Variants in ATP2B4 observed in about 807,000 individuals in gnomAD.
ATP2B4 encodes plasma membrane calcium-transporting ATPase 4.
ATP2B4 carries 39 observed loss-of-function variants against 110.3 expected under a neutral mutation model. That is an observed-to-expected ratio of 0.35 (90% CI 0.27 to 0.46). The LOEUF (loss-of-function observed/expected upper bound fraction) is 0.46. ATP2B4 is among the 20% of genes least tolerant of loss of function. The probability of loss-of-function intolerance (pLI) is 1.00; values close to 1 mark genes in which losing one functional copy is unlikely to be tolerated. For missense variants in ATP2B4, 1,135 were observed against 1,530.9 expected (o/e 0.74, Z 4.32); for synonymous variants, 538 against 571.7 (o/e 0.94, Z 0.84).
intron 1 of ATP2B4, among the ~76,000 whole-genome samples, chr1:203,628,709 G>A (rs369412557): frequency 1.3e-4 from 20 of 152,128 alleles, no homozygotes; most frequent in African/African-American, 4.3e-4. Flanking sequence ...CCTCCACTCT[G>A]AGCCCTCTAC....
intron 1 of ATP2B4, among the ~76,000 whole-genome samples, chr1:203,634,661 C>CTTTG (rs1035378240): frequency 6.6e-6 from 1 of 152,010 alleles, no homozygotes; most frequent in Non-Finnish European, 1.5e-5. Flanking sequence ...AAATGCATCT[C>CTTTG]TTTGTTTGTT....
chr1:203,682,424 AG>A (rs1346852668), intron 1 of ATP2B4, among the ~76,000 whole-genome samples: 3 of 152,210 alleles, frequency 2.0e-5, no homozygotes, highest in Admixed American at 6.5e-5. Flanking sequence ...GAGCCATCAG[AG>A]GTCGTAACCA....
intron 1 of ATP2B4, among the ~76,000 whole-genome samples, chr1:203,667,719 G>C (rs532924818): frequency 2.0e-5 from 3 of 152,210 alleles, no homozygotes; most frequent in Non-Finnish European, 4.4e-5. Context: ...GACTTCCCCC[G>C]CATGAAGGCG....
At chr1:203,733,252 AGC>A in intron 20 of ATP2B4, 1 of 1,613,356 alleles carries the variant, frequency 6.2e-7, no homozygotes, top group Non-Finnish European at 8.5e-7. Flanking sequence ...TCCAGACGGG[AGC>A]CTCTTTTAAG....
In ATP2B4 at chr1:203,629,591, G is replaced by A. The variant is rs1663199422; in HGVS notation, c.-465+2372G>A. On this transcript the variant is annotated intron_variant, in intron 1 of 20. Transcript: ENST00000357681. The surrounding 1 kb of genome is among the most constrained non-coding windows in gnomAD (Gnocchi z 4.6). ...CGGGGCTCGGGGCAGGATTGACTGCGCAACCCTGCGGCCCCTGTGCTCTCC... is the reference window on the plus strand; with the variant it reads ...CGGGGCTCGGGGCAGGATTGACTGCACAACCCTGCGGCCCCTGTGCTCTCC... Among the ~76,000 whole-genome samples the A allele has an allele frequency of 6.6e-6, 1 of 152,094 alleles. No homozygotes were observed. The highest frequency in any genetic ancestry group is 2.4e-5 in the African/African-American group (1 of 41,428).
intron 1 of ATP2B4, among the ~76,000 whole-genome samples, chr1:203,675,536 G>A (rs1664802844): frequency 6.6e-6 from 1 of 152,184 alleles, no homozygotes; most frequent in Non-Finnish European, 1.5e-5. Flanking sequence ...CATAGATGTA[G>A]TTTGACCAAA....
chr1:203,687,501 G>T (rs1665232885), intron 2 of ATP2B4, among the ~76,000 whole-genome samples: 1 of 152,168 alleles, frequency 6.6e-6, no homozygotes, highest in East Asian at 1.9e-4. Flanking sequence ...GGTCCCAGTG[G>T]ACCAATAATA....
chr1:203,648,080 C>T (rs931282065), intron 1 of ATP2B4, among the ~76,000 whole-genome samples: 1 of 152,056 alleles, frequency 6.6e-6, no homozygotes, highest in Non-Finnish European at 1.5e-5. Flanking sequence ...GTGGAACACC[C>T]TAAATAAAGC....
chr1:203,735,002 C>CAAAAAAAAAAAAA (rs35552196), intron 20 of ATP2B4, among the ~76,000 whole-genome samples: 23 of 57,122 alleles, frequency 4.0e-4, no homozygotes, highest in Non-Finnish European at 5.9e-4. Context: ...GACTCCATCT[C>CAAAAAAAAAAAAA]AAAAAAAAAA....
At position 203,742,181 on chromosome 1, in the gene ATP2B4, C is replaced by T. The variant is rs1047812685; in HGVS notation, c.*2327C>T. 10 of 152,536 alleles carry T rather than the reference C, an allele frequency of 6.6e-5. No individual in the cohort carries two copies. Among genetic ancestry groups the T allele is most frequent in the East Asian group, 1.9e-4 (1 of 5,200 alleles). The allele number at this position is 152,536 out of a possible 1,614,324, so 9.4% of individuals were successfully genotyped here. On this transcript the variant is annotated 3_prime_UTR_variant, in exon 21 of 21. Transcript: ENST00000357681. ...GTTTAAAGGATTTAAAATAAAGTGC[C>T]GTCATGTAGCCCTGTGGAAGGGAGC...
intron 1 of ATP2B4, among the ~76,000 whole-genome samples, chr1:203,639,464 G>A (rs1483225508): frequency 6.6e-6 from 1 of 152,166 alleles, no homozygotes; most frequent in Non-Finnish European, 1.5e-5. Context: ...AGCCCCGCTT[G>A]TTGGTAGTGC....
At chr1:203,699,213 T>G (rs1665620762) in intron 3 of ATP2B4, among the ~76,000 whole-genome samples, 1 of 152,204 alleles carries the variant, frequency 6.6e-6, no homozygotes, top group South Asian at 2.1e-4. Context: ...ACATGTGACT[T>G]CCCTAAATTT....
At chr1:203,728,859 CAA>C (rs35173142) in intron 20 of ATP2B4, among the ~76,000 whole-genome samples, 45 of 141,326 alleles carry the variant, frequency 3.2e-4, no homozygotes, top group African/African-American at 9.8e-4. Context: ...CTCTGTCTCA[CAA>C]AAAAAAAAAG....
intron 17 of ATP2B4, 129 bp from the exon 18 acceptor site, chr1:203,722,349 T>TG (rs1666362180): frequency 4.0e-6 from 3 of 741,138 alleles, no homozygotes; most frequent in African/African-American, 3.5e-5. Flanking sequence ...AATAAATAAC[T>TG]AGTGCAGCTC....
intron 1 of ATP2B4, among the ~76,000 whole-genome samples, chr1:203,642,293 A>G (rs1017337109): frequency 4.6e-5 from 7 of 152,158 alleles, no homozygotes; most frequent in Non-Finnish European, 7.3e-5. Flanking sequence ...TATGTTGCTC[A>G]GGCTGGTCTC....
intron 20 of ATP2B4, chr1:203,733,306 A>G (rs1287073907): frequency 1.2e-6 from 2 of 1,614,104 alleles, no homozygotes; most frequent in East Asian, 2.2e-5. Flanking sequence ...ACCTTGATGT[A>G]AAACTTGTTC....
Position 203,739,667 on chromosome 1 carries a change from G to A in ATP2B4, c.3431G>A (p.Arg1144Gln), listed in dbSNP as rs567340474. 11 of 1,613,970 alleles carry A rather than the reference G, an allele frequency of 6.8e-6. No individual in the cohort carries two copies. The highest frequency in any genetic ancestry group is 1.1e-5 in the South Asian group (1 of 91,082). The change falls in exon 21 of 21, where the codon CGA becomes CAA. Residue 1144 changes from arginine (R) to glutamine (Q), a missense_variant. Transcript: ENST00000357681. ...PEFAIEEELP[R>Q]TPLLDEEEEE... The stretch of plus-strand genomic sequence containing the variant: ...TTCGCCATAGAGGAGGAGTTGCCAC[G>A]AACACCACTCCTGGATGAGGAAGAG...
intron 1 of ATP2B4, among the ~76,000 whole-genome samples, chr1:203,659,323 TA>T (rs1307508092): frequency 6.6e-6 from 1 of 152,270 alleles, no homozygotes; most frequent in East Asian, 1.9e-4. Flanking sequence ...TTAATCTTTA[TA>T]ATTTCATGTA....
At chr1:203,678,715 T>G (rs1332153952) in intron 1 of ATP2B4, among the ~76,000 whole-genome samples, 1 of 152,144 alleles carries the variant, frequency 6.6e-6, no homozygotes, top group African/African-American at 2.4e-5. Flanking sequence ...ATGCCTGCCT[T>G]TTAAAGGGCC....
Sources: gnomAD v4.1 joint callset for allele counts (sites outside exome capture counted in the v4.1 genomes callset) on GRCh38, gnomAD v4.1.1 for gene constraint, Gnocchi (gnomAD v3.1) non-coding constraint, MANE v1.5 for transcripts, NCBI Gene and HGNC (gene_info 2026-07-23, HGNC 2026-07-21) for gene names.